The following C8orf88 variants were observed in gnomAD, a reference collection of about 807,000 sequenced individuals.
The protein encoded by C8orf88 is chromosome 8 open reading frame 88, also known as uncharacterized protein C8orf88.
Under a neutral mutation model 18.4 loss-of-function variants are expected in C8orf88, and 14 were observed. The ratio of observed to expected loss-of-function variants is 0.76; its 90% confidence interval spans 0.50 to 1.19. The LOEUF is 1.19. Ranked by LOEUF, C8orf88 falls within the 50% of genes most tolerant of loss-of-function variation. The probability of loss-of-function intolerance (pLI) is 0.00; values close to 1 mark genes in which losing one functional copy is unlikely to be tolerated. For missense variants in C8orf88, 116 were observed against 134.7 expected (o/e 0.86, Z 0.69); for synonymous variants, 45 against 42.9 (o/e 1.05, Z -0.19).
upstream of C8orf88, chr8:90,985,366 G>T (rs1199555501): frequency 2.0e-5 from 3 of 152,042 alleles, no homozygotes; most frequent in Non-Finnish European, 4.4e-5. Flanking sequence ...CTCGAGAGCA[G>T]CCGCACCCCT....
intron 4 of C8orf88, among the ~76,000 whole-genome samples, chr8:90,964,065 C>A (rs1180101857): frequency 6.6e-6 from 1 of 151,522 alleles, no homozygotes; most frequent in Non-Finnish European, 1.5e-5. Flanking sequence ...TCAAGATTTC[C>A]AACTTTAAGC....
rs931120698 is a variant in C8orf88, at chr8:90,963,909, G to A, written c.224-3061C>T. On this transcript the variant is annotated intron_variant, in intron 4 of 5. Transcript: ENST00000517562. ...AGAAGAAATGATATTTGAAGAAATC[G>A]TGGAATAAAATTTCCAAAATTTAAC... Among the ~76,000 whole-genome samples, 16 of 151,446 alleles carry A rather than the reference G, an allele frequency of 1.1e-4. 1 individual carries two copies. The highest frequency in any genetic ancestry group is 8.6e-4 in the Admixed American group (13 of 15,136).
intron 5 of C8orf88, among the ~76,000 whole-genome samples, chr8:90,959,667 T>A (rs1811096879): frequency 1.3e-5 from 2 of 151,484 alleles, no homozygotes. Flanking sequence ...ATAATGTTTT[T>A]TAAAAATTAT....
chr8:90,958,970 C>T lies in C8orf88; in HGVS notation c.*37G>A. 2 of 1,349,462 alleles carry T rather than the reference C, an allele frequency of 1.5e-6. No homozygotes were observed. The highest frequency in any genetic ancestry group is 1.0e-6 in the Non-Finnish European group (1 of 998,314). The allele number at this position is 1,349,462 out of a possible 1,614,324, so 83.6% of individuals were successfully genotyped here. On this transcript the variant is annotated 3_prime_UTR_variant, in exon 6 of 6. Coordinates refer to ENST00000517562, the MANE Select transcript of C8orf88 (RefSeq NM_001190972.2). ...ATTGTTGCTAGATCCACCTCATTTG[C>T]AGATGTCCAAACTTAAATTCATCTG... is the stretch of plus-strand genomic sequence containing the variant.
At chr8:90,985,253 G>A (rs1165588821), upstream of C8orf88, 18 of 140,102 alleles carry the variant, frequency 1.3e-4, no homozygotes, top group African/African-American at 5.0e-4. Flanking sequence ...GCGGCGGGGG[G>A]CGAGGGGCGG....
intron 5 of C8orf88, among the ~76,000 whole-genome samples, chr8:90,960,229 T>C (rs1230784172): frequency 3.3e-5 from 5 of 151,572 alleles, no homozygotes; most frequent in Admixed American, 6.6e-5. Context: ...GGGCTAAGAA[T>C]AGCAAAGACA....
chr8:90,971,548 A>T (rs1811283682), intron 3 of C8orf88, among the ~76,000 whole-genome samples: 1 of 152,076 alleles, frequency 6.6e-6, no homozygotes, highest in South Asian at 2.1e-4. Context: ...TTTCTGAAGT[A>T]GAGACTGATG....
rs1811080018 is a variant in C8orf88 at position 90,958,847 on chromosome 8, C to T, written c.*160G>A. The T allele has an allele frequency of 3.9e-6, 2 of 518,862 alleles. No homozygotes were observed. Among genetic ancestry groups the T allele is most frequent in the East Asian group, 7.4e-5 (2 of 27,054 alleles). The allele number at this position is 518,862 out of a possible 1,614,324, so 32.1% of individuals were successfully genotyped here. A position where few individuals can be genotyped will look rare whatever the true frequency, so the allele number is the denominator to read the frequency against. On this transcript the variant is annotated 3_prime_UTR_variant, in exon 6 of 6. Transcript: ENST00000517562. The stretch of plus-strand genomic sequence containing the variant: ...CAAAGCTGAAACTGATTAGAAAATT[C>T]TTTATATTTTAAAATAGCTCTTTCT...
chr8:90,971,976 T>TGTAA (rs1811290266), intron 3 of C8orf88, among the ~76,000 whole-genome samples: 1 of 152,108 alleles, frequency 6.6e-6, no homozygotes, highest in Non-Finnish European at 1.5e-5. Flanking sequence ...CAAACTTGGT[T>TGTAA]AATACTATCT....
chr8:90,983,643 A>G (rs1388544622), intron 1 of C8orf88, among the ~76,000 whole-genome samples: 1 of 152,154 alleles, frequency 6.6e-6, no homozygotes, highest in African/African-American at 2.4e-5. Context: ...GTCCTACTAC[A>G]TACTAAATAT....
Position 90,978,588 on chromosome 8 carries a change from T to C in C8orf88, c.138A>G (p.Gly46=), listed in dbSNP as rs762064278. The C allele has an allele frequency of 6.6e-7, 1 of 1,525,248 alleles. No homozygotes were observed. Among genetic ancestry groups the C allele is most frequent in the African/African-American group, 1.4e-5 (1 of 72,928 alleles). The allele number at this position is 1,525,248 out of a possible 1,614,324, so 94.5% of individuals were successfully genotyped here. ...YPCNTQCIQS[G]VSRCKTNGMQ... is the part of the protein sequence containing the mutation. The stretch of plus-strand genomic sequence containing the variant: ...AATTTCTAAGACTTACTCTGCTAAC[T>C]CCACTTTGTATGCACTGAGTGTTGC... Residue 46 remains glycine, a synonymous_variant, in exon 3 of 6, where the codon GGA becomes GGG. Transcript: ENST00000517562.
chr8:90,971,995 GA>G (rs760712712), intron 3 of C8orf88, among the ~76,000 whole-genome samples: 65 of 152,128 alleles, frequency 4.3e-4, no homozygotes, highest in Non-Finnish European at 7.4e-4. Context: ...CTACCCCTGA[GA>G]GATTATCTCC....
At chr8:90,963,276 A>G (rs1210545551) in intron 4 of C8orf88, among the ~76,000 whole-genome samples, 1 of 151,744 alleles carries the variant, frequency 6.6e-6, no homozygotes, top group African/African-American at 2.4e-5. Context: ...ATTTTACAAT[A>G]TTAGTTTGGA....
chr8:90,962,025 A>T (rs962163997), intron 4 of C8orf88, among the ~76,000 whole-genome samples: 1 of 151,590 alleles, frequency 6.6e-6, no homozygotes, highest in African/African-American at 2.4e-5. Context: ...TAGGAATAAG[A>T]AGGGTTGAAT....
chr8:90,961,815 T>G (rs959409285), intron 4 of C8orf88, among the ~76,000 whole-genome samples: 1 of 151,522 alleles, frequency 6.6e-6, no homozygotes, highest in Admixed American at 6.6e-5. Flanking sequence ...TTCAATACAT[T>G]TTTATTTATA....
chr8:90,984,408 G>A (rs1811475191), intron 1 of C8orf88, among the ~76,000 whole-genome samples: 1 of 152,130 alleles, frequency 6.6e-6, no homozygotes, highest in South Asian at 2.1e-4. Context: ...ACATCGGGGA[G>A]TAAGAAATAA....
At chr8:90,961,062 A>G (rs932218751) in intron 4 of C8orf88, among the ~76,000 whole-genome samples, 1 of 151,452 alleles carries the variant, frequency 6.6e-6, no homozygotes, top group African/African-American at 2.4e-5. Context: ...CAAGGAAACA[A>G]TGAAAGAAAT....
intron 4 of C8orf88, among the ~76,000 whole-genome samples, chr8:90,965,893 T>C (rs546665685): frequency 2.6e-5 from 4 of 151,968 alleles, no homozygotes; most frequent in South Asian, 2.1e-4. Context: ...GTTCAGATCA[T>C]AGTTTATAGC....
chr8:90,984,359 A>C (rs1295723423), intron 1 of C8orf88, among the ~76,000 whole-genome samples: 2 of 152,216 alleles, frequency 1.3e-5, no homozygotes, highest in Non-Finnish European at 2.9e-5. Context: ...TAAACTGCTC[A>C]CACTGACAAA....
Sources: allele counts gnomAD v4.1 joint callset (sites outside exome capture counted in the v4.1 genomes callset), GRCh38; gene constraint gnomAD v4.1.1; transcripts MANE v1.5; gene names NCBI Gene and HGNC (gene_info 2026-07-23, HGNC 2026-07-21).